The following NBEAL1 variants were observed in gnomAD, a reference collection of about 807,000 sequenced individuals.
NBEAL1 encodes the protein neurobeachin-like protein 1.
A neutral mutation model predicts 351.3 loss-of-function variants in NBEAL1; 273 were observed. That is an observed-to-expected ratio of 0.78 (90% CI 0.70 to 0.86). The LOEUF (loss-of-function observed/expected upper bound fraction) is 0.86, where lower values mean the gene tolerates loss of function less well. NBEAL1 is among the 40% of genes least tolerant of loss of function. The pLI, the probability that NBEAL1 is intolerant of heterozygous loss-of-function variation, is 0.00. For synonymous variants in NBEAL1, 1,050 were observed against 1,086.4 expected (o/e 0.97, Z 0.66); for missense variants, 2,961 against 3,201.3 (o/e 0.92, Z 1.81).
rs1187207919 is a variant in NBEAL1, at chr2:203,222,491, A to C, written c.*5137A>C. ...TTATCCTGAGGGACATTTTGTCTAA[A>C]ATTTGCTTGGAATGGCTTTATTATC... On this transcript the variant is annotated 3_prime_UTR_variant, in exon 56 of 56. Coordinates refer to ENST00000683969, the MANE Select transcript of NBEAL1 (RefSeq NM_001378026.1). Among the ~76,000 whole-genome samples the C allele has an allele frequency of 6.6e-6, 1 of 152,178 alleles. No homozygotes were observed. Among genetic ancestry groups the C allele is most frequent in the Non-Finnish European group, 1.5e-5 (1 of 68,024 alleles).
At position 203,151,482 on chromosome 2, in the gene NBEAL1, A is replaced by G; in HGVS notation, c.5480A>G (p.His1827Arg). The G allele has an allele frequency of 6.9e-6, 11 of 1,597,400 alleles. No individual in the cohort carries two copies. The highest frequency in any genetic ancestry group is 8.5e-6 in the Non-Finnish European group (10 of 1,173,056). The change falls in exon 35 of 56, where the codon CAC becomes CGC. Residue 1827 changes from histidine to arginine, a missense_variant. Coordinates refer to ENST00000683969, the MANE Select transcript of NBEAL1 (RefSeq NM_001378026.1). Reference protein sequence around the residue: ...PWAKRKQNPIHWKLANVENYS... With the variant: ...PWAKRKQNPIRWKLANVENYS... ...ATTCTTAGGAAACAGAATCCAATTC[A>G]CTGGAAGCTAGCTAATGTAGAGAAT...
At chr2:203,184,532 A>G (rs1003271121) in intron 44 of NBEAL1, among the ~76,000 whole-genome samples, 2 of 152,188 alleles carry the variant, frequency 1.3e-5, no homozygotes, top group Admixed American at 6.5e-5. Context: ...TTGTGTTGCT[A>G]TCTTGCAGAT....
intron 7 of NBEAL1, among the ~76,000 whole-genome samples, chr2:203,070,359 CTTTT>C (rs34588218): frequency 3.2e-5 from 3 of 92,338 alleles, no homozygotes; most frequent in African/African-American, 8.4e-5. Flanking sequence ...CTCTCTCTCT[CTTTT>C]TTTTTTTTTT....
chr2:203,039,315 C>T (rs1187342281), intron 2 of NBEAL1, among the ~76,000 whole-genome samples: 3 of 57,910 alleles, frequency 5.2e-5, no homozygotes, highest in Admixed American at 1.7e-4. Flanking sequence ...CTCCCCTCCC[C>T]CCCTCCCCTC....
intron 42 of NBEAL1, among the ~76,000 whole-genome samples, chr2:203,177,413 T>G (rs1336708117): frequency 2.7e-5 from 4 of 149,542 alleles, no homozygotes; most frequent in East Asian, 3.9e-4. Flanking sequence ...AGTTCTTATA[T>G]CTTAATAATA....
At chr2:203,066,825 C>T (rs546934973) in intron 6 of NBEAL1, among the ~76,000 whole-genome samples, 71 of 128,684 alleles carry the variant, frequency 5.5e-4, no homozygotes, top group African/African-American at 1.5e-3. Context: ...GGGTGGTTGC[C>T]GGGCAGAGGC....
At chr2:203,213,481 C>T (rs1012266941) in intron 54 of NBEAL1, 37 bp from the exon 55 acceptor site, 9 of 1,532,262 alleles carry the variant, frequency 5.9e-6, no homozygotes, top group South Asian at 4.7e-5. Context: ...ATTATAAATC[C>T]GTGTAATTAT....
At chr2:203,187,367 GTTTTTTT>G (rs71034225) in intron 44 of NBEAL1, among the ~76,000 whole-genome samples, 3 of 87,790 alleles carry the variant, frequency 3.4e-5, no homozygotes, top group South Asian at 9.5e-4. Context: ...TCTTGCAATG[GTTTTTTT>G]TTTTTTTTTT....
chr2:203,096,888 G>A (rs866032666), intron 10 of NBEAL1, among the ~76,000 whole-genome samples: 2 of 152,184 alleles, frequency 1.3e-5, no homozygotes, highest in African/African-American at 2.4e-5. Flanking sequence ...TACGTACTAC[G>A]GTATCTTTGG....
chr2:203,038,549 C>T (rs1430778842), intron 2 of NBEAL1, among the ~76,000 whole-genome samples: 4 of 149,090 alleles, frequency 2.7e-5, no homozygotes, highest in South Asian at 2.1e-4. Flanking sequence ...ATCGAATTGT[C>T]TTTTTGTTAT....
chr2:203,016,120 C>A (rs1433040908), intron 1 of NBEAL1, 36 bp from the exon 2 acceptor site: 3 of 308,536 alleles, frequency 9.7e-6, no homozygotes, highest in Non-Finnish European at 1.7e-5. Flanking sequence ...AGTATGGCCT[C>A]TTTTTCTAAC....
At chr2:203,108,841 G>A (rs769997106) in intron 14 of NBEAL1, among the ~76,000 whole-genome samples, 10 of 152,004 alleles carry the variant, frequency 6.6e-5, no homozygotes, top group South Asian at 6.2e-4. Context: ...GAGGCCAGGA[G>A]TTCAGGACCA....
At chr2:203,025,018 A>G (rs2060834218) in intron 2 of NBEAL1, among the ~76,000 whole-genome samples, 1 of 152,232 alleles carries the variant, frequency 6.6e-6, no homozygotes, top group South Asian at 2.1e-4. Flanking sequence ...CCAAACTGCT[A>G]CTAAAGTTTG....
At chr2:203,021,117 G>A (rs868758343) in intron 2 of NBEAL1, among the ~76,000 whole-genome samples, 1 of 151,852 alleles carries the variant, frequency 6.6e-6, no homozygotes, top group African/African-American at 2.4e-5. Flanking sequence ...TAGTAGTGAC[G>A]GGGTTTCACC....
intron 10 of NBEAL1, among the ~76,000 whole-genome samples, chr2:203,090,335 C>G: frequency 6.6e-6 from 1 of 152,108 alleles, no homozygotes; most frequent in East Asian, 1.9e-4. Context: ...TTTTCAACCT[C>G]GAGCCTCCTT....
At chr2:203,093,993 T>C (rs928715363) in intron 10 of NBEAL1, among the ~76,000 whole-genome samples, 7 of 152,150 alleles carry the variant, frequency 4.6e-5, no homozygotes, top group Non-Finnish European at 8.8e-5. Context: ...AGCCATTAAG[T>C]CTTCACAACA....
At chr2:203,158,815 GTTTTTTTTT>G (rs71034220) in intron 36 of NBEAL1, among the ~76,000 whole-genome samples, 1 of 84,362 alleles carries the variant, frequency 1.2e-5, no homozygotes, top group Non-Finnish European at 2.1e-5. Flanking sequence ...TTTCTGTAGG[GTTTTTTTTT>G]TTTTTTTTTT....
chr2:203,109,377 T>TG (rs1256138593), intron 14 of NBEAL1, among the ~76,000 whole-genome samples: 1 of 151,764 alleles, frequency 6.6e-6, no homozygotes, highest in Non-Finnish European at 1.5e-5. Context: ...GAAAAACAAA[T>TG]GAGTAGTGAT....
At chr2:203,207,800 A>G (rs1228919503) in intron 51 of NBEAL1, among the ~76,000 whole-genome samples, 1 of 152,234 alleles carries the variant, frequency 6.6e-6, no homozygotes, top group Non-Finnish European at 1.5e-5. Context: ...TCCTCTGCAA[A>G]GAAACTACAA....
Sources: allele counts gnomAD v4.1 joint callset (sites outside exome capture counted in the v4.1 genomes callset), GRCh38; gene constraint gnomAD v4.1.1; transcripts MANE v1.5; gene names NCBI Gene and HGNC (gene_info 2026-07-23, HGNC 2026-07-21).